The following UBAC2 variants were observed in gnomAD, a reference collection of about 807,000 sequenced individuals.
UBAC2 encodes UBA domain containing 2, also known as ubiquitin-associated domain-containing protein 2.
In UBAC2, 26 loss-of-function variants were observed where a neutral mutation model predicts 44.0. The ratio of observed to expected loss-of-function variants is 0.59; its 90% CI spans 0.43 to 0.82. The LOEUF (loss-of-function observed/expected upper bound fraction) is 0.82, where lower values mean the gene tolerates loss of function less well. Ranked by LOEUF, UBAC2 falls within the 40% of genes least tolerant of loss-of-function variation. The pLI is 0.00. For missense variants in UBAC2, 329 were observed against 419.4 expected, an observed-to-expected ratio of 0.78 and a Z score of 1.88; for synonymous variants, 155 against 154.3, an observed-to-expected ratio of 1.00 and a Z score of -0.04.
At chr13:99,331,874 C>T (rs1420335712) in intron 6 of UBAC2, among the ~76,000 whole-genome samples, 1 of 151,258 alleles carries the variant, frequency 6.6e-6, no homozygotes, top group African/African-American at 2.4e-5. Context: ...TACTATGTTT[C>T]AGTGTTTAGA....
intron 6 of UBAC2, among the ~76,000 whole-genome samples, chr13:99,336,459 C>T (rs1160417181): frequency 2.0e-5 from 3 of 152,200 alleles, no homozygotes; most frequent in Non-Finnish European, 4.4e-5. Flanking sequence ...TTTACAATTT[C>T]ATGAATTCTA....
chr13:99,257,493 G>A (rs1223269201), intron 4 of UBAC2, among the ~76,000 whole-genome samples: 3 of 151,800 alleles, frequency 2.0e-5, no homozygotes, highest in African/African-American at 7.3e-5. Flanking sequence ...CCCACGTTAT[G>A]CTCAAGCTGT....
intron 7 of UBAC2, among the ~76,000 whole-genome samples, chr13:99,346,864 G>T (rs979932654): frequency 6.6e-6 from 1 of 152,210 alleles, no homozygotes; most frequent in Non-Finnish European, 1.5e-5. Context: ...TATCTCCAGT[G>T]TGTGAATAAT....
chr13:99,301,934 C>G (rs2044263184), intron 4 of UBAC2, among the ~76,000 whole-genome samples: 1 of 152,126 alleles, frequency 6.6e-6, no homozygotes, highest in African/African-American at 2.4e-5. Flanking sequence ...ATCATCAACA[C>G]CTTGAATGAA....
chr13:99,225,217 C>T (rs7332672), intron 1 of UBAC2, among the ~76,000 whole-genome samples: 70,875 of 151,942 alleles, frequency 0.47, 18,981 homozygotes, highest in Non-Finnish European at 0.62. Flanking sequence ...GTATTAAGTA[C>T]GTTCATATTG....
chr13:99,326,777 G>A (rs552716258), intron 6 of UBAC2, among the ~76,000 whole-genome samples: 1 of 152,076 alleles, frequency 6.6e-6, no homozygotes, highest in African/African-American at 2.4e-5. Flanking sequence ...ACATCTCAAG[G>A]CTCTCATCCA....
chr13:99,278,782 G>A (rs565795215), intron 4 of UBAC2, among the ~76,000 whole-genome samples: 5 of 152,014 alleles, frequency 3.3e-5, no homozygotes, highest in Non-Finnish European at 7.4e-5. Context: ...TTACTGGTAC[G>A]AAAACATTTT....
intron 1 of UBAC2, among the ~76,000 whole-genome samples, chr13:99,225,259 G>A (rs2043098674): frequency 6.6e-6 from 1 of 152,026 alleles, no homozygotes; most frequent in African/African-American, 2.4e-5. Flanking sequence ...TTCTCATCTT[G>A]CAGAAATGAA....
chr13:99,320,704 T>G (rs950379479), intron 6 of UBAC2, among the ~76,000 whole-genome samples: 2 of 152,202 alleles, frequency 1.3e-5, no homozygotes, highest in African/African-American at 4.8e-5. Flanking sequence ...GTCTAGAAAA[T>G]TCTCATTTTT....
chr13:99,282,213 C>T (rs2043962977), intron 4 of UBAC2, among the ~76,000 whole-genome samples: 1 of 127,948 alleles, frequency 7.8e-6, no homozygotes, highest in African/African-American at 3.0e-5. Flanking sequence ...CCAGATAATG[C>T]CAAATGACAC....
intron 6 of UBAC2, among the ~76,000 whole-genome samples, chr13:99,320,142 C>T (rs1180029543): frequency 6.6e-6 from 1 of 152,010 alleles, no homozygotes; most frequent in African/African-American, 2.4e-5. Context: ...TTTTTAGACT[C>T]CTAGCTTTAA....
intron 4 of UBAC2, among the ~76,000 whole-genome samples, chr13:99,278,931 T>C (rs2138680391): frequency 6.6e-6 from 1 of 152,308 alleles, no homozygotes; most frequent in Admixed American, 6.5e-5. Flanking sequence ...CTCATGATCA[T>C]CAGTTTGCAG....
At chr13:99,219,700 T>C (rs187343587) in intron 1 of UBAC2, among the ~76,000 whole-genome samples, 1 of 152,362 alleles carries the variant, frequency 6.6e-6, no homozygotes, top group Admixed American at 6.5e-5. Context: ...GACATCCCTG[T>C]ATTAAGCCGT....
At chr13:99,337,472 G>T (rs891396443) in intron 6 of UBAC2, among the ~76,000 whole-genome samples, 1 of 151,610 alleles carries the variant, frequency 6.6e-6, no homozygotes, top group Non-Finnish European at 1.5e-5. Context: ...TTTTATCCCT[G>T]GTTGCTTTTA....
chr13:99,342,143 G>A (rs1057275744), intron 7 of UBAC2, among the ~76,000 whole-genome samples: 3 of 152,156 alleles, frequency 2.0e-5, no homozygotes, highest in African/African-American at 7.2e-5. Flanking sequence ...GCGGGCTGGC[G>A]AAGGCAGCAA....
At chr13:99,321,015 T>A (rs1366615034) in intron 6 of UBAC2, among the ~76,000 whole-genome samples, 1 of 152,254 alleles carries the variant, frequency 6.6e-6, no homozygotes, top group Non-Finnish European at 1.5e-5. Context: ...ATAGATGATA[T>A]TCAGTGTTTT....
At chr13:99,207,384 C>G (rs2042885091) in intron 1 of UBAC2, among the ~76,000 whole-genome samples, 2 of 152,182 alleles carry the variant, frequency 1.3e-5, no homozygotes, top group Admixed American at 1.3e-4. Flanking sequence ...CTTAAAAATG[C>G]AAAAGTATAA....
chr13:99,210,911 C>T (rs1376088403), intron 1 of UBAC2, among the ~76,000 whole-genome samples: 1 of 152,150 alleles, frequency 6.6e-6, no homozygotes, highest in Admixed American at 6.5e-5. Context: ...CATGCTGGGC[C>T]CCGCTTTTTC....
At chr13:99,356,384 AT>A (rs1471817138) in intron 7 of UBAC2, among the ~76,000 whole-genome samples, 1 of 152,240 alleles carries the variant, frequency 6.6e-6, no homozygotes. Flanking sequence ...AGGGCAGCCG[AT>A]AGTTGGAAAC....
Sources: allele counts gnomAD v4.1 joint callset (sites outside exome capture counted in the v4.1 genomes callset), GRCh38; gene constraint gnomAD v4.1.1; transcripts MANE v1.5; gene names NCBI Gene and HGNC (gene_info 2026-07-23, HGNC 2026-07-21).